Variants in SLC13A1 observed in about 807,000 individuals in gnomAD.
The protein encoded by SLC13A1 is Na(+)/sulfate cotransporter.
In SLC13A1, 65 loss-of-function variants were observed where a neutral mutation model predicts 70.0. The observed-to-expected ratio is 0.93, with a 90% CI of 0.76 to 1.14. The LOEUF is 1.14. SLC13A1 is among the 50% of genes most tolerant of loss of function. SLC13A1 has a pLI of 0.00. For missense variants in SLC13A1, 726 were observed against 717.8 expected (o/e 1.01, Z -0.13); for synonymous variants, 275 against 250.5 (o/e 1.10, Z -0.92).
rs1793682713 is a variant in SLC13A1 at position 123,129,494 on chromosome 7, A to G, written c.933-13T>C. 1.2e-6 allele frequency: 2 copies of G among 1,604,118 alleles called. No individual in the cohort carries two copies. Among genetic ancestry groups the G allele is most frequent in the Non-Finnish European group, 1.7e-6 (2 of 1,171,264 alleles). ...CATCTCCTTAAAACTGCAAAGAATA[A>G]TTAAGCCTGTAAGCAAGAAATTCTT... On this transcript the variant is annotated splice_polypyrimidine_tract_variant and intron_variant, in intron 8 of 14. Transcript: ENST00000194130.
At chr7:123,128,741 A>G in intron 10 of SLC13A1, 104 bp downstream of exon 10, 1 of 729,288 alleles carries the variant, frequency 1.4e-6, no homozygotes, top group East Asian at 2.7e-5. Context: ...CAAGGGAAAG[A>G]AAGAAAAATA....
At chr7:123,153,338 A>T (rs753872492) in intron 6 of SLC13A1, among the ~76,000 whole-genome samples, 3 of 152,128 alleles carry the variant, frequency 2.0e-5, no homozygotes, top group Non-Finnish European at 2.9e-5. Context: ...TCAGGGTAAA[A>T]ATTCTACAGT....
chr7:123,138,470 TTAG>T (rs1026494642), intron 7 of SLC13A1, among the ~76,000 whole-genome samples: 8 of 152,174 alleles, frequency 5.3e-5, no homozygotes, highest in African/African-American at 1.9e-4. Context: ...TAGCTTTATT[TTAG>T]TTTTTGAGGA....
intron 6 of SLC13A1, among the ~76,000 whole-genome samples, chr7:123,153,647 A>G (rs377446188): frequency 8.9e-4 from 136 of 152,204 alleles, no homozygotes; most frequent in African/African-American, 3.1e-3. Flanking sequence ...CTAGTGGTAC[A>G]GAAATTATAC....
At chr7:123,143,812 C>T (rs1794245764) in intron 7 of SLC13A1, among the ~76,000 whole-genome samples, 1 of 152,086 alleles carries the variant, frequency 6.6e-6, no homozygotes, top group Non-Finnish European at 1.5e-5. Flanking sequence ...TTGCTCTGCC[C>T]CTTTCTTCCT....
At chr7:123,173,517 T>G (rs892170758) in intron 2 of SLC13A1, among the ~76,000 whole-genome samples, 1 of 152,180 alleles carries the variant, frequency 6.6e-6, no homozygotes, top group East Asian at 1.9e-4. Context: ...GCTTGATAAA[T>G]TTTTCCCTCT....
intron 1 of SLC13A1, among the ~76,000 whole-genome samples, chr7:123,197,381 T>C (rs1475641727): frequency 1.3e-5 from 2 of 152,120 alleles, no homozygotes; most frequent in African/African-American, 4.8e-5. Flanking sequence ...TAATCTAATA[T>C]TGTGTCTTTA....
At chr7:123,161,855 C>T (rs913485075) in intron 6 of SLC13A1, among the ~76,000 whole-genome samples, 9 of 152,036 alleles carry the variant, frequency 5.9e-5, no homozygotes, top group African/African-American at 1.9e-4. Flanking sequence ...AAGAGATAGG[C>T]TCGTGTAGAT....
chr7:123,141,666 A>G (rs1288434066), intron 7 of SLC13A1, among the ~76,000 whole-genome samples: 1 of 151,962 alleles, frequency 6.6e-6, no homozygotes, highest in Non-Finnish European at 1.5e-5. Flanking sequence ...TGACTTCTTT[A>G]TCATTATATA....
At chr7:123,158,684 C>T (rs972023858) in intron 6 of SLC13A1, among the ~76,000 whole-genome samples, 1 of 151,392 alleles carries the variant, frequency 6.6e-6, no homozygotes, top group African/African-American at 2.4e-5. Context: ...ATTAAAGCAA[C>T]CAAAGAGAAA....
At chr7:123,161,749 T>C (rs1005392099) in intron 6 of SLC13A1, among the ~76,000 whole-genome samples, 1 of 152,086 alleles carries the variant, frequency 6.6e-6, no homozygotes, top group African/African-American at 2.4e-5. Flanking sequence ...CCTTAACTAG[T>C]GCAAGTGATA....
Position 123,125,639 on chromosome 7 carries a change from T to TTC in SLC13A1, c.1169_1170insGA (p.Leu391AsnfsTer3). On this transcript the variant is annotated frameshift_variant, in exon 11 of 15. Coordinates refer to ENST00000194130, the MANE Select transcript of SLC13A1 (RefSeq NM_022444.4). LOFTEE classifies it high-confidence loss of function. ...TAAGAAAGAATAGCAGCCCTATAAG[T>TTC]AAAGCAACAGTTGAATCTGTAGCAA... 1 of 1,613,388 alleles carries TTC rather than the reference T, an allele frequency of 6.2e-7. No homozygotes were observed. The highest frequency in any genetic ancestry group is 8.5e-7 in the Non-Finnish European group (1 of 1,179,640).
chr7:123,148,579 G>A lies in SLC13A1; in HGVS notation c.661-1269C>T, dbSNP rs73719626. The A allele has an allele frequency of 4.8e-3, 1,776 of 371,452 alleles. 35 individuals are homozygous for A. The highest frequency in any genetic ancestry group is 0.036 in the African/African-American group (1,660 of 45,836). 23.0% of individuals were successfully genotyped at this position (371,452 alleles called of 1,614,324 possible). On this transcript the variant is annotated intron_variant, in intron 6 of 14. Coordinates refer to ENST00000194130, the MANE Select transcript of SLC13A1 (RefSeq NM_022444.4). The stretch of plus-strand genomic sequence containing the variant: ...TGGTTTGATTCTTCCTCTTCCTGTG[G>A]CGAAATTCAAAGAAGAACCAATAAC...
At chr7:123,132,161 G>A (rs964700626) in intron 8 of SLC13A1, among the ~76,000 whole-genome samples, 1 of 152,160 alleles carries the variant, frequency 6.6e-6, no homozygotes, top group African/African-American at 2.4e-5. Context: ...ATTTGCTTCA[G>A]CAGGAGGACT....
intron 7 of SLC13A1, 125 bp downstream of exon 7, chr7:123,147,034 G>T (rs1230863964): frequency 2.2e-6 from 2 of 924,794 alleles, no homozygotes; most frequent in African/African-American, 1.7e-5. Context: ...TAGATGTCCT[G>T]AAGGGAAACA....
At chr7:123,186,134 T>A (rs926786173) in intron 1 of SLC13A1, among the ~76,000 whole-genome samples, 1 of 151,990 alleles carries the variant, frequency 6.6e-6, no homozygotes, top group East Asian at 1.9e-4. Context: ...CCTATTAAAG[T>A]ATATAGGGTT....
chr7:123,138,858 C>T lies in SLC13A1; in HGVS notation c.813-4329G>A, dbSNP rs142720502. ...AACTTGCAAATATTTTCTCTCATTC[C>T]GTGGATTTATCTATTCATGTTGTTG... is the stretch of plus-strand genomic sequence containing the variant. On this transcript the variant is annotated intron_variant, in intron 7 of 14. Coordinates refer to ENST00000194130, the MANE Select transcript of SLC13A1 (RefSeq NM_022444.4). Among the ~76,000 whole-genome samples, 1,486 of 152,034 alleles carry T rather than the reference C, an allele frequency of 9.8e-3. 26 individuals are homozygous for T. The highest frequency in any genetic ancestry group is 0.033 in the African/African-American group (1,382 of 41,496).
At chr7:123,190,173 GTATAC>G (rs1300497647) in intron 1 of SLC13A1, among the ~76,000 whole-genome samples, 1 of 152,062 alleles carries the variant, frequency 6.6e-6, no homozygotes, top group Non-Finnish European at 1.5e-5. Flanking sequence ...TCATCTTGTA[GTATAC>G]TATAAGAGAC....
intron 6 of SLC13A1, among the ~76,000 whole-genome samples, chr7:123,165,348 C>T (rs1345598924): frequency 6.6e-6 from 1 of 152,122 alleles, no homozygotes; most frequent in African/African-American, 2.4e-5. Flanking sequence ...GCCTCGCTTT[C>T]CTTTCCTAAA....
Sources: allele counts gnomAD v4.1 joint callset (sites outside exome capture counted in the v4.1 genomes callset), GRCh38; gene constraint gnomAD v4.1.1; transcripts MANE v1.5; gene names NCBI Gene and HGNC (gene_info 2026-07-23, HGNC 2026-07-21).